The following FLNB variants were observed in gnomAD, a reference collection of about 807,000 sequenced individuals.
The protein encoded by FLNB is filamin B.
A neutral mutation model predicts 250.6 loss-of-function variants in FLNB; 111 were observed. The ratio of observed to expected loss-of-function variants is 0.44; its 90% CI spans 0.38 to 0.52. The LOEUF (loss-of-function observed/expected upper bound fraction) is 0.52, where lower values mean the gene tolerates loss of function less well. Ranked by LOEUF, FLNB falls within the 20% of genes least tolerant of loss-of-function variation. The pLI, the probability that FLNB is intolerant of heterozygous loss-of-function variation, is 0.00. For missense variants in FLNB, 2,869 were observed against 3,447.8 expected, an observed-to-expected ratio of 0.83 and a Z score of 4.20; for synonymous variants, 1,302 against 1,372.1, an observed-to-expected ratio of 0.95 and a Z score of 1.13.
In FLNB at chr3:58,148,357, C is replaced by T. The variant is rs1416053201; in HGVS notation, c.5880C>T (p.Asn1960=). The change falls in exon 35 of 46, where the codon AAC becomes AAT. Residue 1960 remains asparagine (N), a synonymous_variant. Transcript: ENST00000295956. The stretch of plus-strand genomic sequence containing the variant: ...GTCTCCTGAAGAGGCTGCCCAACAA[C>T]CACATTGGTGAGCTAGGCTACCCTT... ...EPCLLKRLPN[N]HIGISFIPRE... The T allele has an allele frequency of 6.2e-7, 1 of 1,613,626 alleles. No individual in the cohort carries two copies. Among genetic ancestry groups the T allele is most frequent in the South Asian group, 1.1e-5 (1 of 90,974 alleles).
intron 22 of FLNB, 59 bp downstream of exon 22, chr3:58,124,564 C>A: frequency 6.3e-7 from 1 of 1,578,194 alleles, no homozygotes; most frequent in Non-Finnish European, 8.7e-7. Context: ...GTCATTGCCT[C>A]CTGGTGGCTG....
chr3:58,015,704 G>A (rs146510162), intron 1 of FLNB, among the ~76,000 whole-genome samples: 2,896 of 152,240 alleles, frequency 0.019, 87 homozygotes, highest in African/African-American at 0.065. Context: ...GTGCTGGGGT[G>A]TAGGCTGGGA....
intron 18 of FLNB, among the ~76,000 whole-genome samples, chr3:58,115,761 A>G (rs2097276813): frequency 6.8e-6 from 1 of 147,582 alleles, no homozygotes; most frequent in Admixed American, 6.8e-5. Context: ...CCAAGTGGCA[A>G]CATCCAAGCT....
chr3:58,146,778 A>T (rs776850821), intron 33 of FLNB, 42 bp from the exon 34 acceptor site: 2 of 1,608,776 alleles, frequency 1.2e-6, no homozygotes, highest in Admixed American at 1.7e-5. Context: ...AAACAAGGCA[A>T]CTCTCTCCCT....
At chr3:58,121,808 G>T (rs2097289173) in intron 20 of FLNB, among the ~76,000 whole-genome samples, 1 of 152,170 alleles carries the variant, frequency 6.6e-6, no homozygotes, top group Non-Finnish European at 1.5e-5. Flanking sequence ...AAACGTGGAG[G>T]CCTCTGCCCA....
chr3:58,142,674 G>A lies in FLNB; in HGVS notation c.5206G>A (p.Val1736Met), dbSNP rs1375131432. The change falls in exon 31 of 46, where the codon GTG becomes ATG. Residue 1736 changes from valine to methionine, a missense_variant. Physicochemically the swap from Val to Met is conservative, Grantham distance 21. Transcript: ENST00000295956. The surrounding 1 kb of genome is among the most constrained non-coding windows in gnomAD (Gnocchi z 4.3). ...GGTGACCGAAGAGGCCTATGTCCCA[G>A]TGAGTGACATGAACGGCCTGGGATT... ...PWVTEEAYVP[V>M]SDMNGLGFKP... The A allele has an allele frequency of 1.2e-6, 2 of 1,614,184 alleles. No individual in the cohort carries two copies. The highest frequency in any genetic ancestry group is 1.7e-5 in the Admixed American group (1 of 60,034).
intron 21 of FLNB, 151 bp downstream of exon 21, chr3:58,123,841 T>G: frequency 1.5e-6 from 1 of 686,700 alleles, no homozygotes; most frequent in African/African-American, 1.8e-5. Context: ...CGGGGAGTAG[T>G]TGGGGGGCCC....
chr3:58,048,753 T>TA (rs2097157969), intron 1 of FLNB, among the ~76,000 whole-genome samples: 1 of 152,266 alleles, frequency 6.6e-6, no homozygotes, highest in South Asian at 2.1e-4. Flanking sequence ...GGAAAAATAA[T>TA]AGCATCTTAC....
At chr3:58,111,619 C>T (rs1188238002) in intron 16 of FLNB, among the ~76,000 whole-genome samples, 172 bp from the exon 17 acceptor site, 1 of 152,160 alleles carries the variant, frequency 6.6e-6, no homozygotes, top group Non-Finnish European at 1.5e-5. Flanking sequence ...GGCCCTTTCC[C>T]AATGCTGGGC....
rs750519914 is a variant in FLNB at position 58,143,612 on chromosome 3, T to G, written c.5424T>G (p.Pro1808=). The part of the protein sequence containing the change: ...MHIKYMGSHI[P]ESPLQFYVNY... ...TCAAATACATGGGCAGCCACATCCC[T>G]GGTAAGCTGAGTCAGCAGGCCCAGC... The change falls in exon 32 of 46, where the codon CCT becomes CCG. Residue 1808 remains proline (P), a splice_region_variant and synonymous_variant. Coordinates refer to ENST00000295956, the MANE Select transcript of FLNB (RefSeq NM_001457.4). 6.2e-7 allele frequency: 1 copy of G among 1,613,886 alleles called. No individual in the cohort carries two copies. The highest frequency in any genetic ancestry group is 8.5e-7 in the Non-Finnish European group (1 of 1,180,034).
chr3:58,091,103 G>C (rs147953169), intron 4 of FLNB, among the ~76,000 whole-genome samples: 51 of 151,354 alleles, frequency 3.4e-4, no homozygotes, highest in Admixed American at 1.4e-3. Context: ...AAGTCAAATA[G>C]TAAAGATACC....
chr3:58,112,689 G>A (rs527681620), intron 18 of FLNB, among the ~76,000 whole-genome samples: 12 of 152,226 alleles, frequency 7.9e-5, no homozygotes, highest in South Asian at 2.1e-4. Context: ...GCATTCCCTC[G>A]CGGCCTCACC....
intron 7 of FLNB, 109 bp from the exon 8 acceptor site, chr3:58,098,602 G>A (rs2097243325): frequency 1.9e-6 from 2 of 1,031,254 alleles, no homozygotes; most frequent in African/African-American, 1.6e-5. Context: ...CGAAGTGCTG[G>A]GATTACAAGC....
rs2097288435 is a variant in FLNB, at chr3:58,121,331, CTCG to C, written c.2955_2957del (p.Arg986del). 1 of 1,614,076 alleles carries C rather than the reference CTCG, an allele frequency of 6.2e-7. No individual in the cohort carries two copies. The highest frequency in any genetic ancestry group is 1.7e-5 in the Admixed American group (1 of 60,006). Reference sequence around the variant, plus strand: ...CTGGACGTGACAATCCTCAGCCCCTCTCGGAAGGTCGTGCCATGCCTAGTGACA... The same window carrying C: ...CTGGACGTGACAATCCTCAGCCCCTCGAAGGTCGTGCCATGCCTAGTGACA... On this transcript the variant is annotated inframe_deletion, in exon 20 of 46. Transcript: ENST00000295956.
At chr3:58,154,604 A>T (rs993663335) in intron 39 of FLNB, 187 bp from the exon 40 acceptor site, 17 of 594,300 alleles carry the variant, frequency 2.9e-5, no homozygotes, top group Admixed American at 1.5e-4. Context: ...GAATTTAGTT[A>T]TCACTAGTGA....
chr3:58,125,620 T>C lies in FLNB; in HGVS notation c.3938T>C (p.Ile1313Thr), dbSNP rs771051376. Residue 1313 changes from isoleucine (I) to threonine (T), a missense_variant, in exon 23 of 46, where the codon ATC becomes ACC. This residue lies in a region of FLNB where 1,348 missense variants were observed against 1,466.7 expected (regional missense o/e 0.92). Transcript: ENST00000295956. ...VVEVTYDDVPIPNSPFKVAVT... is the reference protein window; with the variant it reads ...VVEVTYDDVPTPNSPFKVAVT... ...GAGGTGACATATGATGACGTGCCTA[T>C]CCCAAACAGTCCCTTCAAGGTGGCT... The C allele has an allele frequency of 1.2e-6, 2 of 1,614,212 alleles. No homozygotes were observed. Among genetic ancestry groups the C allele is most frequent in the Admixed American group, 1.7e-5 (1 of 60,024 alleles).
In FLNB at chr3:58,130,798, C is replaced by T. The variant is rs866334827; in HGVS notation, c.4280C>T (p.Ala1427Val). ...DVVDPSKVKIAGPGLGSGVRA... is the reference protein window; with the variant it reads ...DVVDPSKVKIVGPGLGSGVRA... ...GTGGACCCCAGCAAGGTCAAGATTG[C>T]CGGCCCCGGGCTGGGCTCAGGCGTC... Residue 1427 changes from alanine (A) to valine (V), a missense_variant, in exon 25 of 46, where the codon GCC becomes GTC. Ala to Val is a moderately conservative substitution (Grantham distance 64). This residue lies in a region of FLNB where 1,348 missense variants were observed against 1,466.7 expected (regional missense o/e 0.92). Coordinates refer to ENST00000295956, the MANE Select transcript of FLNB (RefSeq NM_001457.4). The T allele has an allele frequency of 1.9e-6, 3 of 1,613,814 alleles. No individual in the cohort carries two copies. Among genetic ancestry groups the T allele is most frequent in the Non-Finnish European group, 2.5e-6 (3 of 1,179,900 alleles).
intron 12 of FLNB, among the ~76,000 whole-genome samples, chr3:58,107,233 G>A (rs937254788): frequency 3.9e-5 from 6 of 152,124 alleles, no homozygotes; most frequent in Non-Finnish European, 7.4e-5. Context: ...GTTTCACCAT[G>A]TTGGCCAGGC....
intron 4 of FLNB, among the ~76,000 whole-genome samples, chr3:58,085,910 C>G (rs2097216602): frequency 6.6e-6 from 1 of 152,160 alleles, no homozygotes; most frequent in African/African-American, 2.4e-5. Flanking sequence ...TGACAAGCTG[C>G]AGAGTACGTT....
Sources: allele counts gnomAD v4.1 joint callset (sites outside exome capture counted in the v4.1 genomes callset), GRCh38; gene constraint gnomAD v4.1.1; regional missense constraint gnomAD v4.1.1; non-coding constraint Gnocchi (gnomAD v3.1); transcripts MANE v1.5; gene names NCBI Gene and HGNC (gene_info 2026-07-23, HGNC 2026-07-21).